Variants in TMOD3 observed in about 807,000 individuals in gnomAD.
TMOD3 encodes tropomodulin-3.
A neutral mutation model predicts 39.2 loss-of-function variants in TMOD3; 20 were observed. That is an observed-to-expected ratio of 0.51 (90% confidence interval 0.36 to 0.74). TMOD3 has a LOEUF of 0.74. TMOD3 is among the 30% of genes least tolerant of loss of function. TMOD3 has a pLI of 0.00. For synonymous variants in TMOD3, 143 were observed against 145.8 expected (o/e 0.98, Z 0.14); for missense variants, 381 against 412.8 (o/e 0.92, Z 0.67).
chr15:51,866,952 G>A (rs529318821), intron 2 of TMOD3, among the ~76,000 whole-genome samples: 30 of 152,310 alleles, frequency 2.0e-4, no homozygotes, highest in African/African-American at 7.0e-4. Context: ...GTTAAGAAAA[G>A]CTTCCCTGGG....
At chr15:51,907,039 A>G (rs1595915342) in intron 9 of TMOD3, among the ~76,000 whole-genome samples, 1 of 145,300 alleles carries the variant, frequency 6.9e-6, no homozygotes, top group African/African-American at 2.5e-5. Flanking sequence ...AAAAAAAAAG[A>G]ATTATCTGAA....
chr15:51,871,166 G>A (rs2056472869), intron 3 of TMOD3, among the ~76,000 whole-genome samples: 1 of 152,178 alleles, frequency 6.6e-6, no homozygotes, highest in South Asian at 2.1e-4. Flanking sequence ...TGTTACAGGT[G>A]GGAATGTCAT....
intron 9 of TMOD3, chr15:51,907,219 A>G (rs1329342143): frequency 6.6e-6 from 1 of 152,164 alleles, no homozygotes; most frequent in Non-Finnish European, 1.5e-5. Context: ...TTGACAGCAC[A>G]TACACTAAAA....
intron 2 of TMOD3, among the ~76,000 whole-genome samples, chr15:51,865,967 A>G (rs1421780113): frequency 1.3e-5 from 2 of 152,174 alleles, no homozygotes; most frequent in Admixed American, 1.3e-4. Flanking sequence ...CCCCAAGGCT[A>G]GGAATATATT....
intron 1 of TMOD3, among the ~76,000 whole-genome samples, chr15:51,855,955 C>G (rs1174593094): frequency 6.6e-6 from 1 of 152,168 alleles, no homozygotes; most frequent in Non-Finnish European, 1.5e-5. Context: ...ATGGGAACAT[C>G]TGAGGAAAGA....
chr15:51,864,897 T>C (rs920851500), intron 2 of TMOD3, among the ~76,000 whole-genome samples: 7 of 152,118 alleles, frequency 4.6e-5, no homozygotes, highest in African/African-American at 1.7e-4. Flanking sequence ...GTGGGGATAG[T>C]GCGCTCTCTA....
chr15:51,861,340 G>A (rs551787864), intron 1 of TMOD3: 7 of 220,176 alleles, frequency 3.2e-5, no homozygotes, highest in East Asian at 1.1e-4. Flanking sequence ...CCGCGAACAC[G>A]TGCAGGAAGC....
chr15:51,891,705 G>A (rs1308059038), intron 5 of TMOD3, among the ~76,000 whole-genome samples: 1 of 150,672 alleles, frequency 6.6e-6, no homozygotes, highest in African/African-American at 2.4e-5. Context: ...AAATCTTTTG[G>A]TTTTATAAAA....
chr15:51,896,336 A>G (rs909962083), intron 6 of TMOD3, 83 bp from the exon 7 acceptor site: 3 of 1,024,676 alleles, frequency 2.9e-6, no homozygotes, highest in African/African-American at 3.3e-5. Context: ...TTTTAAAGCA[A>G]AAAAAACCAT....
At chr15:51,850,061 A>AGAGG (rs2056353780) in intron 1 of TMOD3, among the ~76,000 whole-genome samples, 1 of 152,196 alleles carries the variant, frequency 6.6e-6, no homozygotes, top group South Asian at 2.1e-4. Flanking sequence ...TGAGACAATA[A>AGAGG]GAGGGAGAGG....
chr15:51,904,844 G>A (rs1382735439), intron 9 of TMOD3, among the ~76,000 whole-genome samples: 1 of 152,142 alleles, frequency 6.6e-6, no homozygotes, highest in East Asian at 1.9e-4. Context: ...TTGAATAGCC[G>A]TGCACAGTGG....
intron 3 of TMOD3, 106 bp downstream of exon 3, chr15:51,869,479 T>A: frequency 9.6e-7 from 1 of 1,041,856 alleles, no homozygotes; most frequent in Non-Finnish European, 1.4e-6. Flanking sequence ...TTGGTAGCCT[T>A]AAATATATGA....
chr15:51,897,999 CA>C (rs1224657212), intron 7 of TMOD3, among the ~76,000 whole-genome samples: 2 of 152,112 alleles, frequency 1.3e-5, no homozygotes, highest in African/African-American at 4.8e-5. Context: ...TTACCTACCC[CA>C]AAGTCAGTTC....
intron 2 of TMOD3, among the ~76,000 whole-genome samples, chr15:51,864,004 G>A (rs1038378420): frequency 2.0e-5 from 3 of 152,062 alleles, no homozygotes. Flanking sequence ...GGGTGCTCAC[G>A]CCTATAATCG....
At chr15:51,895,132 C>T (rs532671243) in intron 6 of TMOD3, among the ~76,000 whole-genome samples, 14 of 151,918 alleles carry the variant, frequency 9.2e-5, no homozygotes, top group African/African-American at 3.4e-4. Flanking sequence ...AAGGAAGCTT[C>T]TGTGCTCCTC....
At position 51,911,511 on chromosome 15, in the gene TMOD3, A is replaced by G. The variant is rs909166393; in HGVS notation, c.*2701A>G. Reference sequence around the variant, plus strand: ...CCTCTTAGTAACTTTCAGTATTTCTAAATTGCTCTAAAATTTTATAATAAA... The same window carrying G: ...CCTCTTAGTAACTTTCAGTATTTCTGAATTGCTCTAAAATTTTATAATAAA... On this transcript the variant is annotated 3_prime_UTR_variant, in exon 10 of 10. Coordinates refer to ENST00000308580, the MANE Select transcript of TMOD3 (RefSeq NM_014547.5). 2.6e-5 allele frequency: 4 copies of G among 152,236 alleles called. No individual in the cohort carries two copies. Among genetic ancestry groups the G allele is most frequent in the African/African-American group, 9.6e-5 (4 of 41,474 alleles). 9.4% of individuals were successfully genotyped at this position (152,236 alleles called of 1,614,324 possible).
intron 1 of TMOD3, among the ~76,000 whole-genome samples, chr15:51,842,396 A>G (rs1267062204): frequency 6.6e-6 from 1 of 152,132 alleles, no homozygotes; most frequent in Non-Finnish European, 1.5e-5. Context: ...ATGATACCAA[A>G]TTACTTTTCC....
chr15:51,847,436 A>C (rs1488585474), intron 1 of TMOD3, among the ~76,000 whole-genome samples: 4 of 152,206 alleles, frequency 2.6e-5, no homozygotes, highest in Non-Finnish European at 5.9e-5. Flanking sequence ...AGAATAATCA[A>C]CCACTATTTT....
intron 3 of TMOD3, among the ~76,000 whole-genome samples, chr15:51,881,195 G>A (rs1254890066): frequency 1.3e-5 from 2 of 152,192 alleles, no homozygotes; most frequent in East Asian, 1.9e-4. Context: ...TCAACCGACC[G>A]AGTAGCTGAG....
Sources: gnomAD v4.1 joint callset for allele counts (sites outside exome capture counted in the v4.1 genomes callset) on GRCh38, gnomAD v4.1.1 for gene constraint, MANE v1.5 for transcripts, NCBI Gene and HGNC (gene_info 2026-07-23, HGNC 2026-07-21) for gene names.